The following FAM227B variants were observed in gnomAD, a reference collection of about 807,000 sequenced individuals.
FAM227B encodes family with sequence similarity 227 member B.
FAM227B carries 88 observed loss-of-function variants against 73.8 expected under a neutral mutation model. The observed-to-expected ratio is 1.19, with a 90% CI of 1.00 to 1.42. The LOEUF is 1.42. FAM227B is among the 40% of genes most tolerant of loss of function. FAM227B has a pLI of 0.00. For missense variants in FAM227B, 632 were observed against 590.9 expected, an observed-to-expected ratio of 1.07 and a Z score of -0.72; for synonymous variants, 210 against 190.5, an observed-to-expected ratio of 1.10 and a Z score of -0.84.
chr15:49,361,713 G>A (rs1295330689), intron 13 of FAM227B, among the ~76,000 whole-genome samples: 1 of 152,130 alleles, frequency 6.6e-6, no homozygotes, highest in Non-Finnish European at 1.5e-5. Context: ...GCATACGCGT[G>A]AATGTATCTT....
intron 11 of FAM227B, chr15:49,424,389 C>T (rs1292614504): frequency 2.5e-6 from 4 of 1,613,632 alleles, no homozygotes; most frequent in Admixed American, 1.7e-5. Flanking sequence ...ATATCTTTAG[C>T]TTGCAATGAC....
chr15:49,548,284 G>A (rs1294007757), intron 9 of FAM227B, among the ~76,000 whole-genome samples: 1 of 151,884 alleles, frequency 6.6e-6, no homozygotes, highest in Non-Finnish European at 1.5e-5. Context: ...TGATCATATG[G>A]GTTTTATCCT....
At chr15:49,331,660 T>C in intron 15 of FAM227B, 120 bp downstream of exon 15, 1 of 650,488 alleles carries the variant, frequency 1.5e-6, no homozygotes, top group Non-Finnish European at 2.8e-6. Context: ...AACAAGAATG[T>C]ATCCTCTCCT....
intron 11 of FAM227B, among the ~76,000 whole-genome samples, chr15:49,465,636 T>C (rs1048260619): frequency 6.6e-6 from 1 of 152,076 alleles, no homozygotes; most frequent in African/African-American, 2.4e-5. Context: ...ATATTTGGGG[T>C]TCTCTCAACT....
intron 11 of FAM227B, among the ~76,000 whole-genome samples, chr15:49,476,562 G>T (rs2055338639): frequency 6.6e-6 from 1 of 151,566 alleles, no homozygotes; most frequent in African/African-American, 2.4e-5. Flanking sequence ...CATTGGGTAA[G>T]AAGATCTTAA....
intron 11 of FAM227B, among the ~76,000 whole-genome samples, chr15:49,426,561 G>T (rs1218694244): frequency 2.0e-5 from 3 of 150,548 alleles, no homozygotes; most frequent in Non-Finnish European, 2.9e-5. Flanking sequence ...ATTTTATTTT[G>T]TTTGTGTTAA....
intron 11 of FAM227B, among the ~76,000 whole-genome samples, chr15:49,502,933 T>C (rs1303228737): frequency 6.6e-6 from 1 of 152,068 alleles, no homozygotes; most frequent in Non-Finnish European, 1.5e-5. Flanking sequence ...CAAAATCTGG[T>C]TGTTTAAAAG....
intron 11 of FAM227B, among the ~76,000 whole-genome samples, chr15:49,454,934 G>A (rs909993492): frequency 2.4e-4 from 37 of 152,090 alleles, no homozygotes; most frequent in African/African-American, 8.4e-4. Context: ...AGCACTCTCT[G>A]CAGGCCTTCA....
intron 13 of FAM227B, chr15:49,365,298 G>A (rs765097863): frequency 8.4e-6 from 13 of 1,553,812 alleles, no homozygotes; most frequent in Non-Finnish European, 1.2e-5. Flanking sequence ...AGGAGAGCAG[G>A]TTGCCCCTTT....
intron 10 of FAM227B, among the ~76,000 whole-genome samples, chr15:49,520,763 A>G (rs1318738094): frequency 6.6e-6 from 1 of 152,020 alleles, no homozygotes; most frequent in African/African-American, 2.4e-5. Context: ...AGTCCCTTCC[A>G]TGACACATGG....
At chr15:49,532,104 T>C (rs2060656055) in intron 10 of FAM227B, among the ~76,000 whole-genome samples, 1 of 150,216 alleles carries the variant, frequency 6.7e-6, no homozygotes, top group Non-Finnish European at 1.5e-5. Context: ...GGATTATCTA[T>C]ATATAATAGA....
chr15:49,589,689 G>A, intron 4 of FAM227B, 87 bp downstream of exon 4: 1 of 796,512 alleles, frequency 1.3e-6, no homozygotes, highest in Non-Finnish European at 2.1e-6. Flanking sequence ...GACTCAGGAG[G>A]ATCACTTGAG....
intron 11 of FAM227B, among the ~76,000 whole-genome samples, chr15:49,432,461 A>G (rs1306352674): frequency 2.0e-5 from 3 of 151,668 alleles, no homozygotes; most frequent in African/African-American, 7.3e-5. Flanking sequence ...AAGAGTATAC[A>G]TGATTTCTTA....
chr15:49,422,145 A>AGAGAGAGAGTGT (rs757128514), intron 11 of FAM227B, among the ~76,000 whole-genome samples: 1 of 139,822 alleles, frequency 7.2e-6, no homozygotes, highest in African/African-American at 2.5e-5. Flanking sequence ...AGAGAGAGAG[A>AGAGAGAGAGTGT]GTGTGTGTGT....
intron 11 of FAM227B, among the ~76,000 whole-genome samples, chr15:49,507,573 C>T (rs2152112383): frequency 6.6e-6 from 1 of 152,198 alleles, no homozygotes; most frequent in South Asian, 2.1e-4. Flanking sequence ...ATAAACTCGC[C>T]TTACAAAGCT....
intron 9 of FAM227B, among the ~76,000 whole-genome samples, chr15:49,564,993 T>C (rs2074532951): frequency 6.6e-6 from 1 of 152,142 alleles, no homozygotes; most frequent in African/African-American, 2.4e-5. Flanking sequence ...TTGTAAATGA[T>C]GCATATGAGC....
chr15:49,427,400 C>T (rs1252012930), intron 11 of FAM227B, among the ~76,000 whole-genome samples: 1 of 151,902 alleles, frequency 6.6e-6, no homozygotes, highest in Non-Finnish European at 1.5e-5. Flanking sequence ...GAATGAAATG[C>T]AGCAGGATTC....
chr15:49,366,009 T>C, intron 13 of FAM227B: 1 of 804,118 alleles, frequency 1.2e-6, no homozygotes, highest in Non-Finnish European at 2.3e-6. Context: ...TGACTACAAA[T>C]ATTACAACTG....
intron 11 of FAM227B, among the ~76,000 whole-genome samples, chr15:49,495,890 G>A (rs1376426324): frequency 6.6e-6 from 1 of 152,054 alleles, no homozygotes; most frequent in Non-Finnish European, 1.5e-5. Context: ...GAGTGTCGTG[G>A]TGCATGCCTG....
Sources: gnomAD v4.1 joint callset for allele counts (sites outside exome capture counted in the v4.1 genomes callset) on GRCh38, gnomAD v4.1.1 for gene constraint, MANE v1.5 for transcripts, NCBI Gene and HGNC (gene_info 2026-07-23, HGNC 2026-07-21) for gene names.